CDCA2: variants seen among roughly 807,000 people sequenced by gnomAD.
CDCA2 encodes cell division cycle associated 2.
Under a neutral mutation model 67.0 loss-of-function variants are expected in CDCA2, and 44 were observed. That is an observed-to-expected ratio of 0.66 (90% confidence interval 0.52 to 0.84). The LOEUF is 0.84. Among genes scored for constraint, CDCA2 ranks in the 40% least tolerant of loss-of-function variants. The probability of loss-of-function intolerance (pLI) is 0.00; values close to 1 mark genes in which losing one functional copy is unlikely to be tolerated. For missense variants in CDCA2, 1,253 were observed against 1,203.2 expected (o/e 1.04, Z -0.61); for synonymous variants, 447 against 418.7 (o/e 1.07, Z -0.82).
In CDCA2 at chr8:25,487,325, C is replaced by T. The variant is rs745664206; in HGVS notation, c.1524C>T (p.Asn508=). 5 of 1,592,734 alleles carry T rather than the reference C, an allele frequency of 3.1e-6. No individual in the cohort carries two copies. Among genetic ancestry groups the T allele is most frequent in the Admixed American group, 3.4e-5 (2 of 59,316 alleles). Residue 508 remains asparagine, a synonymous_variant, in exon 12 of 15, where the codon AAC becomes AAT. Coordinates refer to ENST00000330560, the MANE Select transcript of CDCA2 (RefSeq NM_152562.4). ...PKVGRITRTS[N]RRNQLVSVVE... Reference sequence around the variant, plus strand: ...TTGGTAGAATAACAAGGACTTCTAACAGAAGAAATGTAAGTGTTTGTGTTT... The same window carrying T: ...TTGGTAGAATAACAAGGACTTCTAATAGAAGAAATGTAAGTGTTTGTGTTT...
At chr8:25,461,924 C>T in intron 3 of CDCA2, 130 bp from the exon 4 acceptor site, 1 of 808,006 alleles carries the variant, frequency 1.2e-6, no homozygotes, top group Non-Finnish European at 2.0e-6. Context: ...GTGCCAGTAA[C>T]TCTCCACTGA....
intron 9 of CDCA2, 43 bp from the exon 10 acceptor site, chr8:25,483,923 T>C: frequency 1.9e-6 from 3 of 1,541,286 alleles, no homozygotes; most frequent in Non-Finnish European, 2.7e-6. Context: ...ATAAGAAATA[T>C]AGCTTAATTT....
intron 10 of CDCA2, 23 bp from the exon 11 acceptor site, chr8:25,485,736 C>T (rs150364230): frequency 2.1e-6 from 3 of 1,455,922 alleles, no homozygotes; most frequent in Admixed American, 2.0e-5. Flanking sequence ...AGATATCTAA[C>T]TTCTGTCTTT....
chr8:25,462,166 G>C lies in CDCA2; in HGVS notation c.345G>C (p.Lys115Asn). 6.2e-7 allele frequency: 1 copy of C among 1,614,158 alleles called. No homozygotes were observed. The highest frequency in any genetic ancestry group is 8.5e-7 in the Non-Finnish European group (1 of 1,179,992). Residue 115 changes from lysine to asparagine, a missense_variant, in exon 4 of 15, where the codon AAG becomes AAC. Transcript: ENST00000330560. The stretch of plus-strand genomic sequence containing the variant: ...TCATTGCTCGGCAGCAAAATATAAA[G>C]AATGCTAGGAAATCTCCTTTGGCAC... ...IRFIARQQNIKNARKSPLAQD... is the reference protein window; with the variant it reads ...IRFIARQQNINNARKSPLAQD...
intron 7 of CDCA2, among the ~76,000 whole-genome samples, chr8:25,477,712 G>A (rs978822612): frequency 1.3e-5 from 2 of 151,980 alleles, no homozygotes; most frequent in Non-Finnish European, 2.9e-5. Context: ...GCCTTTTCCC[G>A]GAACTCTTGA....
chr8:25,501,599 A>C (rs567612650), intron 13 of CDCA2, among the ~76,000 whole-genome samples: 1 of 152,228 alleles, frequency 6.6e-6, no homozygotes, highest in Non-Finnish European at 1.5e-5. Flanking sequence ...GCCTTTCTGC[A>C]TCGCCCCCAT....
chr8:25,462,305 A>T, intron 4 of CDCA2, 97 bp downstream of exon 4: 2 of 1,337,174 alleles, frequency 1.5e-6, no homozygotes, highest in Non-Finnish European at 2.1e-6. Context: ...TCAAATCTGG[A>T]GGGAGATTTT....
In CDCA2 at chr8:25,506,919, G is replaced by A; in HGVS notation, c.2253G>A (p.Gln751=). The change falls in exon 15 of 15, where the codon CAG becomes CAA. Residue 751 remains glutamine (Q), a synonymous_variant. Transcript: ENST00000330560. ...GTCAAAATGCAGAAAACCTTTGTCA[G>A]TTCTTTAAAATTTCACCAGATTTAA... ...AGGQNAENLC[Q]FFKISPDLNI... is the part of the protein sequence containing the mutation. The A allele has an allele frequency of 6.2e-7, 1 of 1,612,640 alleles. No individual in the cohort carries two copies. Among genetic ancestry groups the A allele is most frequent in the Non-Finnish European group, 8.5e-7 (1 of 1,179,434 alleles).
At chr8:25,484,453 G>A (rs1803688504) in intron 10 of CDCA2, among the ~76,000 whole-genome samples, 1 of 151,956 alleles carries the variant, frequency 6.6e-6, no homozygotes, top group Non-Finnish European at 1.5e-5. Flanking sequence ...TAGGTAAACT[G>A]GATACATTCC....
chr8:25,488,015 G>A (rs992527013), intron 12 of CDCA2, among the ~76,000 whole-genome samples: 1 of 151,928 alleles, frequency 6.6e-6, no homozygotes, highest in Non-Finnish European at 1.5e-5. Flanking sequence ...TTTAACACTG[G>A]GTTTCAACTG....
chr8:25,475,283 G>C (rs1387146602), intron 7 of CDCA2, among the ~76,000 whole-genome samples: 1 of 152,176 alleles, frequency 6.6e-6, no homozygotes, highest in Non-Finnish European at 1.5e-5. Context: ...CACTTCAGGA[G>C]GCCGAGGCAG....
intron 13 of CDCA2, among the ~76,000 whole-genome samples, chr8:25,491,438 GC>G (rs1803999318): frequency 6.6e-6 from 1 of 152,062 alleles, no homozygotes; most frequent in Admixed American, 6.5e-5. Context: ...AGGAAAGTGG[GC>G]TTTTCCTACA....
intron 7 of CDCA2, among the ~76,000 whole-genome samples, chr8:25,471,436 T>C (rs57340758): frequency 0.41 from 61,516 of 151,840 alleles, 12,879 homozygotes; most frequent in African/African-American, 0.52. Context: ...AATCTCAGCT[T>C]ACTGCAACCT....
chr8:25,487,125 TC>T (rs1803808138), intron 11 of CDCA2, 120 bp from the exon 12 acceptor site: 1 of 636,642 alleles, frequency 1.6e-6, no homozygotes, highest in Admixed American at 3.4e-5. Context: ...GCTTGGCTCC[TC>T]TTTTTTTTGT....
chr8:25,506,308 CT>C (rs1417518044), intron 14 of CDCA2, among the ~76,000 whole-genome samples: 1 of 152,122 alleles, frequency 6.6e-6, no homozygotes, highest in African/African-American at 2.4e-5. Context: ...CGTTGAATAC[CT>C]ATTTTCTTAA....
chr8:25,505,718 A>T (rs1563287592), intron 14 of CDCA2, among the ~76,000 whole-genome samples: 1 of 152,154 alleles, frequency 6.6e-6, no homozygotes, highest in Non-Finnish European at 1.5e-5. Flanking sequence ...CACTTTATTC[A>T]TTTGACTGGC....
intron 8 of CDCA2, among the ~76,000 whole-genome samples, chr8:25,482,685 A>G (rs1803617640): frequency 1.3e-5 from 2 of 152,176 alleles, no homozygotes; most frequent in South Asian, 4.1e-4. Context: ...CCTGGGCAAC[A>G]TGGCGAAACC....
chr8:25,461,066 G>A (rs1802665155), intron 3 of CDCA2, among the ~76,000 whole-genome samples: 1 of 151,996 alleles, frequency 6.6e-6, no homozygotes, highest in Admixed American at 6.5e-5. Context: ...TCAGGAGTTC[G>A]AGACCAGCCT....
In CDCA2 at chr8:25,507,393, ACTTCCACTTC is replaced by A. The variant is rs774422692; in HGVS notation, c.2739_2748del (p.Ser914LysfsTer22). On this transcript the variant is annotated frameshift_variant, in exon 15 of 15. Coordinates refer to ENST00000330560, the MANE Select transcript of CDCA2 (RefSeq NM_152562.4). LOFTEE classifies it low-confidence loss of function (END_TRUNC). ...AAAACGAAGGTCTTGTATGGATTTC[ACTTCCACTTC>A]CTTCCACTTCCCAAAAAGCCAAAAG... 2.0e-5 allele frequency: 33 copies of A among 1,613,776 alleles called. No individual in the cohort carries two copies. The highest frequency in any genetic ancestry group is 2.5e-5 in the Non-Finnish European group (30 of 1,179,970).
Sources: allele counts gnomAD v4.1 joint callset (sites outside exome capture counted in the v4.1 genomes callset), GRCh38; gene constraint gnomAD v4.1.1; transcripts MANE v1.5; gene names NCBI Gene and HGNC (gene_info 2026-07-23, HGNC 2026-07-21).